Variants in GABRA2 observed in about 807,000 individuals in gnomAD.
GABRA2 encodes the protein gamma-aminobutyric acid receptor subunit alpha-2.
GABRA2 carries 16 observed loss-of-function variants against 48.7 expected under a neutral mutation model. That is an observed-to-expected ratio of 0.33 (90% confidence interval 0.22 to 0.50). The LOEUF (loss-of-function observed/expected upper bound fraction) is 0.50. Ranked by LOEUF, GABRA2 falls within the 20% of genes least tolerant of loss-of-function variation. GABRA2 has a pLI of 0.98. For missense variants in GABRA2, 275 were observed against 535.6 expected (o/e 0.51, Z 4.80); for synonymous variants, 185 against 184.5 (o/e 1.00, Z -0.02).
At chr4:46,252,311 T>C (rs888762521) in intron 9 of GABRA2, among the ~76,000 whole-genome samples, 12 of 151,526 alleles carry the variant, frequency 7.9e-5, no homozygotes, top group Admixed American at 5.3e-4. Context: ...TAATGATGCA[T>C]ATAGTTCCCA....
intron 3 of GABRA2, among the ~76,000 whole-genome samples, chr4:46,378,216 AG>A (rs750811648): frequency 1.3e-5 from 2 of 152,198 alleles, no homozygotes; most frequent in Non-Finnish European, 2.9e-5. Context: ...TGGAATGGAA[AG>A]GGGGGAAGGG....
intron 4 of GABRA2, among the ~76,000 whole-genome samples, chr4:46,323,584 G>C (rs760616415): frequency 2.4e-4 from 37 of 151,848 alleles, no homozygotes; most frequent in Non-Finnish European, 4.3e-4. Flanking sequence ...ACTTATTTCA[G>C]TTCCTAACAG....
chr4:46,322,192 A>G (rs570159532), intron 4 of GABRA2, among the ~76,000 whole-genome samples: 77 of 152,100 alleles, frequency 5.1e-4, no homozygotes, highest in African/African-American at 1.8e-3. Flanking sequence ...AAGGCATGGA[A>G]AAGGACAGAA....
At chr4:46,283,744 C>A (rs1577898431) in intron 8 of GABRA2, among the ~76,000 whole-genome samples, 1 of 152,018 alleles carries the variant, frequency 6.6e-6, no homozygotes, top group Admixed American at 6.6e-5. Context: ...TTGTTTGATT[C>A]GAGTTTCTTA....
intron 4 of GABRA2, among the ~76,000 whole-genome samples, chr4:46,314,428 A>G (rs1440378221): frequency 3.3e-5 from 5 of 152,138 alleles, no homozygotes; most frequent in Non-Finnish European, 5.9e-5. Flanking sequence ...ATTTACAAAC[A>G]GGAAGTTGCA....
intron 8 of GABRA2, among the ~76,000 whole-genome samples, chr4:46,284,655 T>C (rs1455803456): frequency 6.6e-6 from 1 of 152,198 alleles, no homozygotes; most frequent in Non-Finnish European, 1.5e-5. Context: ...TATCAAGGCA[T>C]ACACATTCTA....
At chr4:46,308,650 A>C (rs2109664538) in intron 6 of GABRA2, among the ~76,000 whole-genome samples, 1 of 152,362 alleles carries the variant, frequency 6.6e-6, no homozygotes, top group South Asian at 2.1e-4. Flanking sequence ...TACTTAAACA[A>C]AAAATGCCTA....
intron 2 of GABRA2, chr4:46,386,991 T>C (rs1238655692): frequency 6.6e-6 from 1 of 152,226 alleles, no homozygotes; most frequent in Non-Finnish European, 1.5e-5. Flanking sequence ...GAAATTGTGA[T>C]TTTCTCCATT....
At chr4:46,375,108 T>G (rs1715495008) in intron 3 of GABRA2, among the ~76,000 whole-genome samples, 1 of 152,024 alleles carries the variant, frequency 6.6e-6, no homozygotes, top group African/African-American at 2.4e-5. Context: ...AACACAAAAA[T>G]AGCAAAACTA....
At chr4:46,351,383 GTT>G (rs1433715658) in intron 3 of GABRA2, among the ~76,000 whole-genome samples, 1 of 151,946 alleles carries the variant, frequency 6.6e-6, no homozygotes, top group African/African-American at 2.4e-5. Flanking sequence ...CTTCAAAATT[GTT>G]TTGGAGGCTA....
chr4:46,267,533 C>T (rs1241723825), intron 8 of GABRA2, among the ~76,000 whole-genome samples: 6 of 151,584 alleles, frequency 4.0e-5, no homozygotes, highest in Admixed American at 4.0e-4. Context: ...GTCTCATATT[C>T]TTTTTTGAAA....
At chr4:46,320,303 G>A (rs989935959) in intron 4 of GABRA2, among the ~76,000 whole-genome samples, 7 of 151,808 alleles carry the variant, frequency 4.6e-5, no homozygotes, top group African/African-American at 1.7e-4. Flanking sequence ...GCAGACTAAA[G>A]ACCTAAAGGT....
chr4:46,325,710 T>A, intron 4 of GABRA2, among the ~76,000 whole-genome samples: 1 of 151,998 alleles, frequency 6.6e-6, no homozygotes, highest in Middle Eastern at 3.2e-3. Flanking sequence ...TAGGTTGGGG[T>A]CTCACATTTA....
intron 4 of GABRA2, among the ~76,000 whole-genome samples, chr4:46,314,963 C>T (rs2109709805): frequency 6.6e-6 from 1 of 152,082 alleles, no homozygotes; most frequent in East Asian, 1.9e-4. Flanking sequence ...ATGCATGTGT[C>T]TTTTTGGTAA....
At chr4:46,256,425 T>G in intron 9 of GABRA2, 1 of 471,734 alleles carries the variant, frequency 2.1e-6, no homozygotes, top group Middle Eastern at 4.7e-4. Flanking sequence ...TGGGAAAAAT[T>G]TGACATCACT....
At chr4:46,380,140 T>C (rs2109351706) in intron 3 of GABRA2, among the ~76,000 whole-genome samples, 1 of 152,352 alleles carries the variant, frequency 6.6e-6, no homozygotes, top group East Asian at 1.9e-4. Flanking sequence ...ATCATTTATA[T>C]CATATAATGA....
intron 8 of GABRA2, among the ~76,000 whole-genome samples, chr4:46,277,756 C>T (rs1720772139): frequency 6.6e-6 from 1 of 152,112 alleles, no homozygotes; most frequent in Non-Finnish European, 1.5e-5. Flanking sequence ...GTAATGTGGG[C>T]AACAGTGTGG....
intron 8 of GABRA2, among the ~76,000 whole-genome samples, chr4:46,301,774 G>A (rs1299698710): frequency 6.6e-6 from 1 of 152,072 alleles, no homozygotes; most frequent in Non-Finnish European, 1.5e-5. Flanking sequence ...TGGTTATATG[G>A]TGCCATCCCC....
At chr4:46,253,277 A>G (rs1715168834) in intron 9 of GABRA2, among the ~76,000 whole-genome samples, 2 of 151,430 alleles carry the variant, frequency 1.3e-5, no homozygotes, top group Non-Finnish European at 3.0e-5. Context: ...ATATATGCTC[A>G]GGAAATACAG....
Sources: allele counts gnomAD v4.1 joint callset (sites outside exome capture counted in the v4.1 genomes callset), GRCh38; gene constraint gnomAD v4.1.1; transcripts MANE v1.5; gene names NCBI Gene and HGNC (gene_info 2026-07-23, HGNC 2026-07-21).